Variants in KCNIP1 observed in about 807,000 individuals in gnomAD.
KCNIP1 encodes the protein A-type potassium channel modulatory protein KCNIP1.
KCNIP1 carries 18 observed loss-of-function variants against 33.0 expected under a neutral mutation model. That is an observed-to-expected ratio of 0.55 (90% CI 0.38 to 0.81). KCNIP1 has a LOEUF of 0.81. KCNIP1 is among the 30% of genes least tolerant of loss of function. KCNIP1 has a pLI of 0.00. For synonymous variants in KCNIP1, 93 were observed against 98.3 expected, an observed-to-expected ratio of 0.95 and a Z score of 0.32; for missense variants, 238 against 271.6, an observed-to-expected ratio of 0.88 and a Z score of 0.87.
At chr5:170,708,405 G>A (rs982120540) in intron 1 of KCNIP1, among the ~76,000 whole-genome samples, 1 of 152,172 alleles carries the variant, frequency 6.6e-6, no homozygotes, top group Non-Finnish European at 1.5e-5. Context: ...ATTTCAAGAG[G>A]AAGCACAACA....
At chr5:170,565,529 C>A (rs10065828) in intron 1 of KCNIP1, among the ~76,000 whole-genome samples, 84,276 of 151,706 alleles carry the variant, frequency 0.56, 23,627 homozygotes, top group East Asian at 0.65. Flanking sequence ...CTCACAGTTT[C>A]TATTTATTAC....
Position 170,603,505 on chromosome 5 carries a change from G to A in KCNIP1, c.61+98872G>A, listed in dbSNP as rs535410168. ...GACAAACGAGACAGATGCCAACCCC[G>A]GATGCACAGAGCTCAAAGAGACAGA... On this transcript the variant is annotated intron_variant, in intron 1 of 7. Transcript: ENST00000328939. Among the ~76,000 whole-genome samples the A allele has an allele frequency of 7.9e-5, 12 of 152,306 alleles. 1 individual carries two copies. The highest frequency in any genetic ancestry group is 5.8e-4 in the East Asian group (3 of 5,186).
chr5:170,622,939 G>T (rs923055689), intron 1 of KCNIP1, among the ~76,000 whole-genome samples: 22 of 152,236 alleles, frequency 1.4e-4, no homozygotes, highest in African/African-American at 5.1e-4. Context: ...CAGGGTGTGT[G>T]GGGTGGGAGA....
intron 1 of KCNIP1, among the ~76,000 whole-genome samples, chr5:170,529,619 G>C (rs988812132): frequency 6.6e-6 from 1 of 152,190 alleles, no homozygotes; most frequent in African/African-American, 2.4e-5. Context: ...TGAGGAGTTC[G>C]AGCTTGCCTT....
chr5:170,469,692 A>G (rs894832708), intron 1 of KCNIP1, among the ~76,000 whole-genome samples: 4 of 152,164 alleles, frequency 2.6e-5, no homozygotes, highest in African/African-American at 9.7e-5. Flanking sequence ...CCGGCTTTCA[A>G]CACGTGAGCC....
chr5:170,647,676 A>G (rs1168361045), intron 1 of KCNIP1, among the ~76,000 whole-genome samples: 1 of 152,192 alleles, frequency 6.6e-6, no homozygotes, highest in Non-Finnish European at 1.5e-5. Flanking sequence ...TAAAACTCCT[A>G]GAATATAACA....
chr5:170,652,498 A>AAAGGAAGGAAGG (rs1554107877), intron 1 of KCNIP1, among the ~76,000 whole-genome samples: 37 of 103,052 alleles, frequency 3.6e-4, no homozygotes, highest in African/African-American at 1.4e-3. Context: ...AAAAAAAAAA[A>AAAGGAAGGAAGG]AAGGAAGGAA....
chr5:170,560,350 A>G (rs991727100), intron 1 of KCNIP1, among the ~76,000 whole-genome samples: 2 of 152,204 alleles, frequency 1.3e-5, no homozygotes, highest in African/African-American at 4.8e-5. Context: ...GTCAGGTTTC[A>G]GATCTGCTGG....
intron 1 of KCNIP1, among the ~76,000 whole-genome samples, chr5:170,512,647 G>T (rs182591413): frequency 7.2e-5 from 11 of 152,340 alleles, no homozygotes; most frequent in Admixed American, 1.3e-4. Context: ...AGATGCAGCG[G>T]TCAGCACTCA....
At chr5:170,655,434 G>A (rs772904038) in intron 1 of KCNIP1, among the ~76,000 whole-genome samples, 3 of 152,154 alleles carry the variant, frequency 2.0e-5, no homozygotes, top group Non-Finnish European at 4.4e-5. Flanking sequence ...GTTTCTCCCC[G>A]GATCCCATTT....
intron 5 of KCNIP1, among the ~76,000 whole-genome samples, chr5:170,732,395 G>T (rs1764237622): frequency 6.6e-6 from 1 of 152,152 alleles, no homozygotes; most frequent in Non-Finnish European, 1.5e-5. Context: ...CTTGGCTGTT[G>T]GTTCATTTTT....
chr5:170,403,959 C>A (rs1754971125), intron 1 of KCNIP1, among the ~76,000 whole-genome samples: 1 of 152,232 alleles, frequency 6.6e-6, no homozygotes, highest in Non-Finnish European at 1.5e-5. Flanking sequence ...AAGCTTCCCA[C>A]TTCAGAGCCT....
chr5:170,423,448 G>A (rs1418208823), intron 1 of KCNIP1, among the ~76,000 whole-genome samples: 1 of 152,024 alleles, frequency 6.6e-6, no homozygotes, highest in Non-Finnish European at 1.5e-5. Context: ...CTCCCCAAGG[G>A]AACCCATATC....
intron 1 of KCNIP1, chr5:170,639,387 A>G (rs1312513847): frequency 6.6e-6 from 1 of 152,212 alleles, no homozygotes; most frequent in Admixed American, 6.5e-5. Flanking sequence ...GGCATATTAC[A>G]TTTAAACCCT....
chr5:170,556,053 C>T (rs1756833841), intron 1 of KCNIP1, among the ~76,000 whole-genome samples: 1 of 152,232 alleles, frequency 6.6e-6, no homozygotes, highest in Non-Finnish European at 1.5e-5. Context: ...ATCACAACAA[C>T]TCAACCGTTT....
At chr5:170,588,378 A>G (rs1758074736) in intron 1 of KCNIP1, among the ~76,000 whole-genome samples, 1 of 152,122 alleles carries the variant, frequency 6.6e-6, no homozygotes, top group Non-Finnish European at 1.5e-5. Context: ...TCTCCACCCC[A>G]CACATTATAA....
At chr5:170,733,990 G>A in intron 7 of KCNIP1, 92 bp downstream of exon 7, 1 of 925,594 alleles carries the variant, frequency 1.1e-6, no homozygotes, top group East Asian at 2.5e-5. Flanking sequence ...TGAGAAACCT[G>A]CACATACCTG....
intron 1 of KCNIP1, chr5:170,681,036 T>C: frequency 2.5e-6 from 1 of 399,434 alleles, no homozygotes; most frequent in Non-Finnish European, 4.4e-6. Context: ...AATGACCGCC[T>C]AGCGCTTGCC....
chr5:170,586,262 A>G (rs185352299), intron 1 of KCNIP1, among the ~76,000 whole-genome samples: 46 of 152,302 alleles, frequency 3.0e-4, no homozygotes, highest in Admixed American at 2.7e-3. Flanking sequence ...TGGCCTCTGC[A>G]ATTCATCTGC....
Sources: gnomAD v4.1 joint callset for allele counts (sites outside exome capture counted in the v4.1 genomes callset) on GRCh38, gnomAD v4.1.1 for gene constraint, MANE v1.5 for transcripts, NCBI Gene and HGNC (gene_info 2026-07-23, HGNC 2026-07-21) for gene names.